SLC45A2: variants seen among roughly 807,000 people sequenced by gnomAD.
SLC45A2 encodes solute carrier family 45 member 2, also known as membrane-associated transporter protein.
Under a neutral mutation model 45.5 loss-of-function variants are expected in SLC45A2, and 36 were observed. The ratio of observed to expected loss-of-function variants is 0.79; its 90% CI spans 0.61 to 1.04. SLC45A2 has a LOEUF of 1.04. SLC45A2 is among the 50% of genes least tolerant of loss of function. The pLI, the probability that SLC45A2 is intolerant of heterozygous loss-of-function variation, is 0.00. For synonymous variants in SLC45A2, 306 were observed against 269.3 expected, an observed-to-expected ratio of 1.14 and a Z score of -1.33; for missense variants, 719 against 671.0, an observed-to-expected ratio of 1.07 and a Z score of -0.79.
At chr5:33,965,323 T>C (rs1752577375) in intron 2 of SLC45A2, among the ~76,000 whole-genome samples, 1 of 152,230 alleles carries the variant, frequency 6.6e-6, no homozygotes, top group Non-Finnish European at 1.5e-5. Flanking sequence ...TCAAGTACCA[T>C]GAATCCTAAT....
chr5:33,967,204 T>G (rs977100647), intron 2 of SLC45A2, among the ~76,000 whole-genome samples: 2 of 152,230 alleles, frequency 1.3e-5, no homozygotes, highest in African/African-American at 4.8e-5. Flanking sequence ...GCCCAGTGAT[T>G]AGAACTAATG....
At chr5:33,949,538 A>T (rs1752036848) in intron 5 of SLC45A2, among the ~76,000 whole-genome samples, 2 of 152,226 alleles carry the variant, frequency 1.3e-5, no homozygotes, top group Admixed American at 6.5e-5. Flanking sequence ...GAAAAAGGGC[A>T]AAGTATGAAC....
At position 33,982,320 on chromosome 5, in the gene SLC45A2, C is replaced by G. The variant is rs760780597; in HGVS notation, c.478G>C (p.Asp160His). The change falls in exon 2 of 7, where the codon GAT (aspartate) becomes CAT (histidine). Residue 160 changes from aspartate (D) to histidine (H), a missense_variant. By Grantham distance (81) the Asp-to-His change is moderately conservative. Transcript: ENST00000296589. ...AATAAGTAGGCTTTGATGGGCCCAT[C>G]AATGAAGTCGGCAGCAAAATCAAAG... ...VLFDFAADFI[D>H]GPIKAYLFDV... 3.1e-6 allele frequency: 5 copies of G among 1,614,144 alleles called. No homozygotes were observed. In the East Asian group the frequency reaches 1.1e-4, roughly 36 times the overall value.
intron 5 of SLC45A2, 74 bp downstream of exon 5, chr5:33,951,480 A>T (rs1003158098): frequency 4.3e-6 from 7 of 1,610,852 alleles, no homozygotes. Context: ...GGAAATACAC[A>T]TAGAAATATC....
chr5:33,956,911 T>C (rs6451047), intron 3 of SLC45A2, among the ~76,000 whole-genome samples: 147,197 of 152,240 alleles, frequency 0.97, 71,325 homozygotes, highest in Non-Finnish European at 1. Context: ...ATAAAGTTTA[T>C]TCTTTTTAAT....
At chr5:33,982,108 G>T in intron 2 of SLC45A2, 128 bp downstream of exon 2, 1 of 1,017,360 alleles carries the variant, frequency 9.8e-7, no homozygotes, top group Non-Finnish European at 1.5e-6. Flanking sequence ...GTGCCCGCAT[G>T]ACGGGAGCAG....
chr5:33,949,590 A>G (rs1481434007), intron 5 of SLC45A2, among the ~76,000 whole-genome samples: 2 of 152,174 alleles, frequency 1.3e-5, no homozygotes, highest in Non-Finnish European at 2.9e-5. Context: ...ACTTTATCCT[A>G]TGGGCATGGG....
At chr5:33,955,156 A>G (rs1165634867) in intron 3 of SLC45A2, among the ~76,000 whole-genome samples, 1 of 152,180 alleles carries the variant, frequency 6.6e-6, no homozygotes, top group East Asian at 1.9e-4. Context: ...GTCTGCTTTG[A>G]AGGTGGAGGA....
intron 2 of SLC45A2, among the ~76,000 whole-genome samples, chr5:33,979,109 C>T (rs927043587): frequency 2.6e-5 from 4 of 152,284 alleles, no homozygotes; most frequent in Admixed American, 6.5e-5. Flanking sequence ...TGGCCTGTGA[C>T]GCAGCTCTAG....
In SLC45A2 at chr5:33,946,213, G is replaced by A. The variant is rs572169088; in HGVS notation, c.1368+950C>T. On this transcript the variant is annotated intron_variant, in intron 6 of 6. Coordinates refer to ENST00000296589, the MANE Select transcript of SLC45A2 (RefSeq NM_016180.5). ...TTTTATGATGACTCTCCCATTAGCA[G>A]CAACATCCCACCTTGGTGACAATGT... The A allele has an allele frequency of 2.0e-5, 20 of 985,428 alleles. No individual in the cohort carries two copies. The African/African-American group carries it at 3.5e-4, about 17-fold the overall frequency. 61.0% of individuals were successfully genotyped at this position (985,428 alleles called of 1,614,324 possible).
At chr5:33,968,592 CA>C (rs1398704878) in intron 2 of SLC45A2, among the ~76,000 whole-genome samples, 3 of 152,148 alleles carry the variant, frequency 2.0e-5, no homozygotes, top group African/African-American at 7.2e-5. Flanking sequence ...AACAGTGGCC[CA>C]TACTGGAAGA....
intron 2 of SLC45A2, among the ~76,000 whole-genome samples, chr5:33,977,908 G>C (rs754731549): frequency 1.3e-5 from 2 of 152,200 alleles, no homozygotes; most frequent in African/African-American, 2.4e-5. Flanking sequence ...CATCAAGCAG[G>C]AAAGTGTCCT....
intron 3 of SLC45A2, among the ~76,000 whole-genome samples, chr5:33,955,061 A>G (rs1752235221): frequency 6.6e-6 from 1 of 152,222 alleles, no homozygotes; most frequent in Non-Finnish European, 1.5e-5. Context: ...GATCCTAACC[A>G]AATTCCATGA....
At chr5:33,974,467 A>G (rs1752869245) in intron 2 of SLC45A2, among the ~76,000 whole-genome samples, 1 of 151,652 alleles carries the variant, frequency 6.6e-6, no homozygotes, top group Non-Finnish European at 1.5e-5. Flanking sequence ...AAAAAAAAAG[A>G]ATTTCAGTTT....
chr5:33,963,776 T>C lies in SLC45A2; in HGVS notation c.803A>G (p.Tyr268Cys), dbSNP rs201104968. The C allele has an allele frequency of 1.2e-4, 189 of 1,614,192 alleles. No individual in the cohort carries two copies. The highest frequency in any genetic ancestry group is 5.5e-5 in the South Asian group (5 of 91,086). ...ATTTTTAACTTTCTCGATAGAACCA[T>C]ACTCGTACATTCCATCTGATGACAA... is the stretch of plus-strand genomic sequence containing the variant. Reference protein sequence around the residue: ...PPLSSDGMYEYGSIEKVKNGY... With the variant: ...PPLSSDGMYECGSIEKVKNGY... Residue 268 changes from tyrosine (Y) to cysteine (C), a missense_variant, in exon 3 of 7, where the codon TAT becomes TGT. By Grantham distance (194) the Tyr-to-Cys change is radical (BLOSUM62 -2). Transcript: ENST00000296589.
chr5:33,974,807 T>C (rs762199601), intron 2 of SLC45A2, among the ~76,000 whole-genome samples: 12 of 152,128 alleles, frequency 7.9e-5, no homozygotes, highest in Non-Finnish European at 1.6e-4. Context: ...AAGAGAGAGA[T>C]TGCAAGAAAG....
chr5:33,962,209 G>T (rs1309813180), intron 3 of SLC45A2, among the ~76,000 whole-genome samples: 1 of 152,188 alleles, frequency 6.6e-6, no homozygotes, highest in African/African-American at 2.4e-5. Flanking sequence ...AATGGCATAT[G>T]CCACGTGTTA....
At chr5:33,947,443 C>T (rs1383724327) in intron 5 of SLC45A2, 69 bp from the exon 6 acceptor site, 2 of 1,386,496 alleles carry the variant, frequency 1.4e-6, no homozygotes, top group African/African-American at 2.8e-5. Flanking sequence ...TTCAGACAAT[C>T]CTTTCTTCTG....
intron 3 of SLC45A2, among the ~76,000 whole-genome samples, chr5:33,957,006 C>G (rs959164874): frequency 6.6e-6 from 1 of 152,024 alleles, no homozygotes; most frequent in East Asian, 1.9e-4. Context: ...ATATAGGCCC[C>G]GATTCCTTAA....
Sources: allele counts gnomAD v4.1 joint callset (sites outside exome capture counted in the v4.1 genomes callset), GRCh38; gene constraint gnomAD v4.1.1; transcripts MANE v1.5; gene names NCBI Gene and HGNC (gene_info 2026-07-23, HGNC 2026-07-21).